CRYBB1: variants seen among roughly 807,000 people sequenced by gnomAD.
CRYBB1 encodes the protein beta-crystallin B1.
Under a neutral mutation model 29.5 loss-of-function variants are expected in CRYBB1, and 16 were observed. That is an observed-to-expected ratio of 0.54 (90% CI 0.37 to 0.82). The LOEUF is 0.82. CRYBB1 is among the 40% of genes least tolerant of loss of function. The probability of loss-of-function intolerance (pLI) is 0.00; values close to 1 mark genes in which losing one functional copy is unlikely to be tolerated. For missense variants in CRYBB1, 300 were observed against 350.5 expected (o/e 0.86, Z 1.15); for synonymous variants, 127 against 136.7 (o/e 0.93, Z 0.49).
chr22:26,599,552 G>C lies in CRYBB1; in HGVS notation c.697C>G (p.Arg233Gly). The C allele has an allele frequency of 6.2e-7, 1 of 1,614,132 alleles. No homozygotes were observed. Among genetic ancestry groups the C allele is most frequent in the Non-Finnish European group, 8.5e-7 (1 of 1,180,028 alleles). The change falls in exon 6 of 6, where the codon CGT (arginine) becomes GGT (glycine). Residue 233 changes from arginine to glycine, a missense_variant. Coordinates refer to ENST00000647684, the MANE Select transcript of CRYBB1 (RefSeq NM_001887.4). ...CCCTCGAGGTGCCACTGCTTGTCAC[G>C]CAGGCGACGCAGGGACTGCATCTGT... ...QPQMQSLRRL[R>G]DKQWHLEGSF...
intron 4 of CRYBB1, among the ~76,000 whole-genome samples, chr22:26,602,534 C>T (rs926212172): frequency 2.7e-5 from 4 of 150,086 alleles, no homozygotes; most frequent in African/African-American, 2.5e-5. Flanking sequence ...GAGGCTGCAG[C>T]GAGATATGAT....
intron 2 of CRYBB1, among the ~76,000 whole-genome samples, chr22:26,615,803 T>C (rs949875929): frequency 1.3e-5 from 2 of 152,176 alleles, no homozygotes; most frequent in African/African-American, 4.8e-5. Context: ...CATGAGCCAC[T>C]GCGCCCGGCC....
chr22:26,614,117 C>G (rs1929266556), intron 2 of CRYBB1, among the ~76,000 whole-genome samples: 1 of 152,146 alleles, frequency 6.6e-6, no homozygotes, highest in African/African-American at 2.4e-5. Context: ...ACAATGGTGC[C>G]CAAAACTTCA....
chr22:26,608,052 G>A (rs753564805), intron 3 of CRYBB1, 31 bp from the exon 4 acceptor site: 4 of 1,613,866 alleles, frequency 2.5e-6, no homozygotes, highest in Non-Finnish European at 3.4e-6. Flanking sequence ...GAGGCAGACA[G>A]GAGACATATG....
chr22:26,615,132 C>A (rs941204111), intron 2 of CRYBB1, among the ~76,000 whole-genome samples: 1 of 152,204 alleles, frequency 6.6e-6, no homozygotes, highest in Non-Finnish European at 1.5e-5. Flanking sequence ...AAACCTGCCA[C>A]GCACTGACCA....
chr22:26,604,897 A>G (rs1435906829), intron 4 of CRYBB1, among the ~76,000 whole-genome samples: 1 of 152,088 alleles, frequency 6.6e-6, no homozygotes, highest in Non-Finnish European at 1.5e-5. Context: ...GTCAAGACTG[A>G]ACTTGCCACC....
intron 3 of CRYBB1, among the ~76,000 whole-genome samples, chr22:26,608,930 A>G (rs16982435): frequency 0.023 from 3,442 of 152,264 alleles, 125 homozygotes; most frequent in African/African-American, 0.078. Context: ...AATTAGATGG[A>G]AGATTTTCCT....
Position 26,599,680 on chromosome 22 carries a change from G to A in CRYBB1, c.576-7C>T, listed in dbSNP as rs1928762784. The stretch of plus-strand genomic sequence containing the variant: ...ATACTGATAGCCAACCCATCTGAGA[G>A]AAAAGTGAGAAGGACAGAGTGGAGA... On this transcript the variant is annotated splice_region_variant and splice_polypyrimidine_tract_variant and intron_variant, in intron 5 of 5. Coordinates refer to ENST00000647684, the MANE Select transcript of CRYBB1 (RefSeq NM_001887.4). The A allele has an allele frequency of 6.2e-7, 1 of 1,613,204 alleles. No homozygotes were observed. The highest frequency in any genetic ancestry group is 8.5e-7 in the Non-Finnish European group (1 of 1,179,320).
intron 3 of CRYBB1, among the ~76,000 whole-genome samples, chr22:26,609,194 C>T (rs4822749): frequency 0.18 from 27,056 of 152,190 alleles, 3,164 homozygotes; most frequent in South Asian, 0.38. Context: ...CAGAAGGAGA[C>T]AAGGATGATG....
chr22:26,608,815 G>A (rs899225579), intron 3 of CRYBB1, among the ~76,000 whole-genome samples: 6 of 152,026 alleles, frequency 3.9e-5, no homozygotes, highest in African/African-American at 1.4e-4. Flanking sequence ...TGAGGCAATG[G>A]GAAGGGAATG....
intron 4 of CRYBB1, 85 bp from the exon 5 acceptor site, chr22:26,602,106 C>T (rs1025318725): frequency 1.2e-5 from 18 of 1,548,062 alleles, no homozygotes; most frequent in African/African-American, 5.4e-5. Flanking sequence ...GGGTGTGGAG[C>T]GAGAGAGATG....
intron 2 of CRYBB1, 118 bp downstream of exon 2, chr22:26,616,022 G>A (rs1026682174): frequency 3.7e-6 from 3 of 819,270 alleles, no homozygotes; most frequent in Admixed American, 1.9e-5. Context: ...GAAAAAGGAG[G>A]AGAAAGAGGT....
At chr22:26,617,174 G>T (rs1929384188) in intron 1 of CRYBB1, among the ~76,000 whole-genome samples, 1 of 152,208 alleles carries the variant, frequency 6.6e-6, no homozygotes, top group South Asian at 2.1e-4. Flanking sequence ...GAGGACTGGG[G>T]CTGGGTAGGC....
intron 1 of CRYBB1, among the ~76,000 whole-genome samples, chr22:26,616,748 A>G (rs1385966829): frequency 1.3e-5 from 2 of 152,192 alleles, no homozygotes; most frequent in African/African-American, 4.8e-5. Flanking sequence ...GACATACATT[A>G]ATTAACCCAT....
Position 26,599,280 on chromosome 22 carries a change from C to G in CRYBB1, c.*210G>C. ...AGACTCACATAACAGGCAGAAAGAA[C>G]TTTTCAGTGTTTGCTGCTTTTATTA... is the stretch of plus-strand genomic sequence containing the variant. On this transcript the variant is annotated 3_prime_UTR_variant, in exon 6 of 6. Transcript: ENST00000647684. The G allele has an allele frequency of 1.7e-6, 1 of 587,220 alleles. No individual in the cohort carries two copies. The allele number at this position is 587,220 out of a possible 1,614,324, so 36.4% of individuals were successfully genotyped here.
At chr22:26,605,044 C>G (rs1417779303) in intron 4 of CRYBB1, among the ~76,000 whole-genome samples, 1 of 152,140 alleles carries the variant, frequency 6.6e-6, no homozygotes, top group East Asian at 1.9e-4. Context: ...CATCGTTGCT[C>G]TAGGAGTTTT....
At chr22:26,602,984 G>C (rs998537747) in intron 4 of CRYBB1, among the ~76,000 whole-genome samples, 1 of 151,890 alleles carries the variant, frequency 6.6e-6, no homozygotes, top group Non-Finnish European at 1.5e-5. Flanking sequence ...AATTAGCCGG[G>C]CGTGGTGGTG....
chr22:26,601,136 G>A (rs1395554135), intron 5 of CRYBB1, among the ~76,000 whole-genome samples: 1 of 152,212 alleles, frequency 6.6e-6, no homozygotes, highest in Non-Finnish European at 1.5e-5. Context: ...AGCCATGATG[G>A]TGTTACAGGA....
chr22:26,617,730 A>T (rs1177705280), intron 1 of CRYBB1, among the ~76,000 whole-genome samples: 1 of 148,366 alleles, frequency 6.7e-6, no homozygotes, highest in Admixed American at 6.7e-5. Flanking sequence ...TCTCTCCCTC[A>T]TTGTATCTTT....
Sources: gnomAD v4.1 joint callset for allele counts (sites outside exome capture counted in the v4.1 genomes callset) on GRCh38, gnomAD v4.1.1 for gene constraint, MANE v1.5 for transcripts, NCBI Gene and HGNC (gene_info 2026-07-23, HGNC 2026-07-21) for gene names.